Variants in MORC1 observed in about 807,000 individuals in gnomAD.
The protein encoded by MORC1 is MORC family CW-type zinc finger 1.
In MORC1, 59 loss-of-function variants were observed where a neutral mutation model predicts 134.9. The observed-to-expected ratio is 0.44, with a 90% confidence interval of 0.35 to 0.54. MORC1 has a LOEUF of 0.54. MORC1 is among the 20% of genes least tolerant of loss of function. The pLI is 0.00. For missense variants in MORC1, 947 were observed against 1,134.5 expected (o/e 0.83, Z 2.37); for synonymous variants, 395 against 391.7 (o/e 1.01, Z -0.10).
intron 17 of MORC1, among the ~76,000 whole-genome samples, chr3:109,024,861 G>A (rs1253704259): frequency 6.6e-6 from 1 of 152,142 alleles, no homozygotes; most frequent in Non-Finnish European, 1.5e-5. Context: ...GGCCAATGAT[G>A]GCCTGTTTTT....
intron 24 of MORC1, 66 bp downstream of exon 24, chr3:108,979,449 A>C: frequency 6.5e-7 from 1 of 1,541,078 alleles, no homozygotes; most frequent in Non-Finnish European, 8.9e-7. Context: ...AGGGAAAACA[A>C]CAGGAGTTGT....
chr3:108,993,201 C>T (rs1948114264), intron 21 of MORC1, among the ~76,000 whole-genome samples: 1 of 152,178 alleles, frequency 6.6e-6, no homozygotes, highest in Admixed American at 6.5e-5. Flanking sequence ...GTTCCTTCAG[C>T]ACAACAATCA....
chr3:109,004,678 C>G, intron 20 of MORC1, 139 bp downstream of exon 20: 1 of 807,338 alleles, frequency 1.2e-6, no homozygotes, highest in South Asian at 2.1e-5. Flanking sequence ...TTTTTCAGAA[C>G]CTTGATTACA....
At chr3:109,112,455 A>G (rs935016014) in intron 2 of MORC1, among the ~76,000 whole-genome samples, 4 of 152,240 alleles carry the variant, frequency 2.6e-5, no homozygotes, top group Non-Finnish European at 5.9e-5. Flanking sequence ...CAGTATCTTA[A>G]GTCTGTTAAA....
chr3:109,077,514 A>G (rs1313770599), intron 8 of MORC1, among the ~76,000 whole-genome samples: 4 of 152,146 alleles, frequency 2.6e-5, no homozygotes, highest in African/African-American at 4.8e-5. Flanking sequence ...AAATAAAATC[A>G]TAAGTTTAGA....
chr3:109,114,319 T>A, intron 2 of MORC1, 65 bp downstream of exon 2: 1 of 1,354,000 alleles, frequency 7.4e-7, no homozygotes, highest in South Asian at 1.3e-5. Context: ...TATCTTCCCA[T>A]GTAATTAGAC....
intron 13 of MORC1, among the ~76,000 whole-genome samples, chr3:109,055,989 A>G (rs1348399801): frequency 3.9e-5 from 6 of 152,212 alleles, no homozygotes; most frequent in Admixed American, 2.6e-4. Flanking sequence ...TGTTAGGGCC[A>G]GCAGTAAGAA....
At chr3:109,002,176 C>T (rs943499919) in intron 20 of MORC1, among the ~76,000 whole-genome samples, 1 of 152,212 alleles carries the variant, frequency 6.6e-6, no homozygotes. Context: ...AACAGAAATA[C>T]CATGTACTGG....
chr3:109,114,304 CT>C, intron 2 of MORC1, 79 bp downstream of exon 2: 1 of 1,248,446 alleles, frequency 8.0e-7, no homozygotes, highest in Non-Finnish European at 1.1e-6. Flanking sequence ...ATGACATGAT[CT>C]TTTTATCTTC....
intron 14 of MORC1, among the ~76,000 whole-genome samples, chr3:109,039,545 C>T (rs1949461655): frequency 6.6e-6 from 1 of 152,174 alleles, no homozygotes; most frequent in African/African-American, 2.4e-5. Flanking sequence ...TATTTGGGAA[C>T]TCTGGAGTCT....
At chr3:108,989,216 T>A (rs943501992) in intron 21 of MORC1, among the ~76,000 whole-genome samples, 6 of 152,204 alleles carry the variant, frequency 3.9e-5, no homozygotes, top group African/African-American at 1.4e-4. Flanking sequence ...TTCATTTACA[T>A]TAATTGGTTT....
chr3:108,976,434 T>C (rs1947562426), intron 24 of MORC1, among the ~76,000 whole-genome samples: 1 of 152,170 alleles, frequency 6.6e-6, no homozygotes, highest in Non-Finnish European at 1.5e-5. Context: ...ACTAAAAGTC[T>C]AGTAAATTCA....
chr3:109,047,598 AT>A (rs1949722771), intron 14 of MORC1, among the ~76,000 whole-genome samples: 1 of 151,870 alleles, frequency 6.6e-6, no homozygotes, highest in African/African-American at 2.4e-5. Flanking sequence ...CCATCTTTTT[AT>A]TTGCTGGGAG....
intron 8 of MORC1, among the ~76,000 whole-genome samples, chr3:109,081,611 C>T (rs1177998361): frequency 3.3e-5 from 5 of 152,044 alleles, no homozygotes; most frequent in African/African-American, 1.2e-4. Context: ...TGTGCCACCA[C>T]ACCCAGCTAA....
chr3:108,977,920 C>T (rs547330869), intron 24 of MORC1, among the ~76,000 whole-genome samples: 9 of 152,278 alleles, frequency 5.9e-5, no homozygotes, highest in Non-Finnish European at 1.3e-4. Flanking sequence ...CTCTGTCACC[C>T]AGGCTGGAGT....
chr3:109,084,182 T>C lies in MORC1; in HGVS notation c.689+9254A>G, dbSNP rs533084119. ...AGCAATTAGCCAAGAGAAAGAAATA[T>C]GGGGCATTCAAACCAGAAAGAAAGA... On this transcript the variant is annotated intron_variant, in intron 8 of 27. Coordinates refer to ENST00000232603, the MANE Select transcript of MORC1 (RefSeq NM_014429.4). Among the ~76,000 whole-genome samples the C allele has an allele frequency of 2.6e-5, 4 of 152,186 alleles. No individual in the cohort carries two copies. In the South Asian group the frequency reaches 6.2e-4, roughly 24 times the overall value.
At chr3:109,002,309 G>C (rs1361873129) in intron 20 of MORC1, among the ~76,000 whole-genome samples, 1 of 152,252 alleles carries the variant, frequency 6.6e-6, no homozygotes, top group East Asian at 1.9e-4. Flanking sequence ...ACATAGAGAA[G>C]AGATAAAGCA....
At chr3:109,003,280 C>T (rs890110452) in intron 20 of MORC1, among the ~76,000 whole-genome samples, 4 of 123,296 alleles carry the variant, frequency 3.2e-5, no homozygotes, top group African/African-American at 1.3e-4. Context: ...TATATATACA[C>T]ACACAGACAC....
intron 3 of MORC1, among the ~76,000 whole-genome samples, chr3:109,107,237 A>G (rs1020084441): frequency 6.6e-6 from 1 of 152,138 alleles, no homozygotes; most frequent in African/African-American, 2.4e-5. Context: ...CCCATAATTA[A>G]TGACCCCTTT....
Sources: gnomAD v4.1 joint callset for allele counts (sites outside exome capture counted in the v4.1 genomes callset) on GRCh38, gnomAD v4.1.1 for gene constraint, MANE v1.5 for transcripts, NCBI Gene and HGNC (gene_info 2026-07-23, HGNC 2026-07-21) for gene names.